SEZ6L2: variants seen among roughly 807,000 people sequenced by gnomAD.
SEZ6L2 encodes seizure 6-like protein 2.
In SEZ6L2, 44 loss-of-function variants were observed where a neutral mutation model predicts 97.0. That is an observed-to-expected ratio of 0.45 (90% confidence interval 0.36 to 0.58). SEZ6L2 has a LOEUF of 0.58. SEZ6L2 is among the 20% of genes least tolerant of loss of function. SEZ6L2 has a pLI of 0.00. For missense variants in SEZ6L2, 1,086 were observed against 1,233.3 expected (o/e 0.88, Z 1.79); for synonymous variants, 543 against 546.1 (o/e 0.99, Z 0.08).
At chr16:29,872,960 A>C (rs1207298629) in intron 14 of SEZ6L2, among the ~76,000 whole-genome samples, 1 of 152,232 alleles carries the variant, frequency 6.6e-6, no homozygotes, top group Non-Finnish European at 1.5e-5. Context: ...GTTCCTGGAC[A>C]GTCTGAGCCA....
chr16:29,880,253 T>A (rs901954779), intron 8 of SEZ6L2, among the ~76,000 whole-genome samples, 189 bp from the exon 9 acceptor site: 1 of 151,434 alleles, frequency 6.6e-6, no homozygotes, highest in Admixed American at 6.6e-5. Context: ...GCCTCTGACT[T>A]CCAGGTTCAA....
chr16:29,881,555 C>T (rs548214538), intron 8 of SEZ6L2, among the ~76,000 whole-genome samples: 1 of 150,314 alleles, frequency 6.7e-6, no homozygotes, highest in East Asian at 2.0e-4. Context: ...CCCACCTGAT[C>T]GGATCTTAGC....
In SEZ6L2 at chr16:29,876,677, G is replaced by A; in HGVS notation, c.2104+79C>T. On this transcript the variant is annotated intron_variant, in intron 12 of 17. Transcript: ENST00000617533. This position sits in a 1 kb window ranked among gnomAD's most constrained non-coding sequence, Gnocchi z 6.5. The stretch of plus-strand genomic sequence containing the variant: ...AAGGGATGGAACCCAGAAAGCACGG[G>A]GGTCGGGACAGGACAGGCCGACGAC... 3.1e-6 allele frequency: 4 copies of A among 1,308,670 alleles called. No homozygotes were observed. The highest frequency in any genetic ancestry group is 2.6e-5 in the East Asian group (1 of 38,724). 81.1% of individuals were successfully genotyped at this position (1,308,670 alleles called of 1,614,324 possible). A position where few individuals can be genotyped will look rare whatever the true frequency, so the allele number is the denominator to read the frequency against.
chr16:29,892,054 G>T (rs184293880), intron 5 of SEZ6L2, among the ~76,000 whole-genome samples: 2 of 152,286 alleles, frequency 1.3e-5, no homozygotes, highest in East Asian at 3.9e-4. Context: ...TTGAGAGATA[G>T]AACTGACAAT....
chr16:29,872,310 T>G, intron 16 of SEZ6L2, 27 bp from the exon 17 acceptor site: 3 of 1,604,258 alleles, frequency 1.9e-6, no homozygotes, highest in Non-Finnish European at 2.6e-6. Context: ...ACAGAGGAGC[T>G]TATCAACAGG....
At chr16:29,887,321 G>T (rs1404494529) in intron 7 of SEZ6L2, among the ~76,000 whole-genome samples, 2 of 145,688 alleles carry the variant, frequency 1.4e-5, no homozygotes. Context: ...TTTTTTTTGA[G>T]ACGGAGTCTC....
At chr16:29,881,822 G>A (rs1445209248) in intron 8 of SEZ6L2, among the ~76,000 whole-genome samples, 1 of 144,404 alleles carries the variant, frequency 6.9e-6, no homozygotes, top group South Asian at 2.2e-4. Context: ...TAGAGATGGG[G>A]TTTTACCATG....
intron 9 of SEZ6L2, among the ~76,000 whole-genome samples, chr16:29,879,279 G>A (rs552468538): frequency 6.6e-6 from 1 of 151,576 alleles, no homozygotes; most frequent in Admixed American, 6.6e-5. Context: ...AGGCTGGAGT[G>A]CAGTGCTGCG....
intron 8 of SEZ6L2, among the ~76,000 whole-genome samples, chr16:29,884,869 T>C (rs373198290): frequency 7.0e-6 from 1 of 142,790 alleles, no homozygotes; most frequent in East Asian, 2.1e-4. Context: ...GCCGAGATCA[T>C]GACATTGCAC....
intron 12 of SEZ6L2, among the ~76,000 whole-genome samples, chr16:29,874,573 TTTTTTTTTTTTTTTTG>T (rs1257196433): frequency 5.3e-5 from 6 of 113,246 alleles, no homozygotes; most frequent in Admixed American, 8.9e-5. Flanking sequence ...TTTTTTTTTT[TTTTTTTTTTTTTTTTG>T]AGATGGGAGT....
intron 7 of SEZ6L2, among the ~76,000 whole-genome samples, chr16:29,887,223 G>C (rs1401634895): frequency 6.7e-6 from 1 of 148,860 alleles, no homozygotes; most frequent in Non-Finnish European, 1.5e-5. Flanking sequence ...GGACTAAGCT[G>C]TGATGCATAT....
intron 5 of SEZ6L2, among the ~76,000 whole-genome samples, chr16:29,889,494 G>A (rs2068222359): frequency 6.6e-6 from 1 of 151,474 alleles, no homozygotes; most frequent in East Asian, 1.9e-4. Flanking sequence ...GAGGCTCCAA[G>A]TTATTAAATG....
At chr16:29,879,559 G>A (rs770397087) in intron 9 of SEZ6L2, among the ~76,000 whole-genome samples, 2 of 152,154 alleles carry the variant, frequency 1.3e-5, no homozygotes, top group African/African-American at 2.4e-5. Flanking sequence ...TCTAGGTCCT[G>A]TTGTGTTCAA....
Position 29,895,428 on chromosome 16 carries a change from C to A in SEZ6L2, c.684G>T (p.Glu228Asp). 2 of 1,614,128 alleles carry A rather than the reference C, an allele frequency of 1.2e-6. No homozygotes were observed. Among genetic ancestry groups the A allele is most frequent in the Non-Finnish European group, 1.7e-6 (2 of 1,180,028 alleles). Residue 228 changes from glutamate (E) to aspartate (D), a missense_variant, in exon 5 of 18, where the codon GAG (glutamate) becomes GAT (aspartate). By Grantham distance (45) the Glu-to-Asp change is conservative. Around this residue, in one of 2 missense-constraint regions of SEZ6L2, gnomAD observed 776 missense variants for 794.7 expected, o/e 0.98. Coordinates refer to ENST00000617533, the MANE Select transcript of SEZ6L2 (RefSeq NM_001243332.2). ...VQTLNLSQEE[E>D]LLVLAGGGSP... ...ATCCCCCACCAGCCAGCACCAGGAG[C>A]TCCTCTTCCTGTGACAGGTTCAGCG...
rs972210966 is a variant in SEZ6L2, at chr16:29,899,530, C to G, written c.-511G>C. ...GAGAGCCGAAGCTCGGGCACTGGAG[C>G]TGCGGGAGGGAGAAGCTGAGAAAGG... is the stretch of plus-strand genomic sequence containing the variant. On this transcript the variant is annotated 5_prime_UTR_variant, in exon 1 of 18. Coordinates refer to ENST00000617533, the MANE Select transcript of SEZ6L2 (RefSeq NM_001243332.2). 4 of 158,880 alleles carry G rather than the reference C, an allele frequency of 2.5e-5. No homozygotes were observed. Among genetic ancestry groups the G allele is most frequent in the African/African-American group, 9.7e-5 (4 of 41,326 alleles). 9.8% of individuals were successfully genotyped at this position (158,880 alleles called of 1,614,324 possible).
chr16:29,873,136 G>T lies in SEZ6L2; in HGVS notation c.2488+104C>A. Reference sequence around the variant, plus strand: ...CGAGGCCACAGGAGGAGAACCGGGAGCTCTGTGGGGTCGCCCATTGGTCTC... The same window carrying T: ...CGAGGCCACAGGAGGAGAACCGGGATCTCTGTGGGGTCGCCCATTGGTCTC... On this transcript the variant is annotated intron_variant, in intron 14 of 17. Transcript: ENST00000617533. The surrounding 1 kb of genome is among the most constrained non-coding windows in gnomAD (Gnocchi z 4.3). The T allele has an allele frequency of 7.7e-7, 1 of 1,294,616 alleles. No homozygotes were observed. The highest frequency in any genetic ancestry group is 1.1e-6 in the Non-Finnish European group (1 of 936,564). 80.2% of individuals were successfully genotyped at this position (1,294,616 alleles called of 1,614,324 possible).
At chr16:29,895,213 T>C (rs1200316465) in intron 5 of SEZ6L2, 46 bp downstream of exon 5, 2 of 1,256,156 alleles carry the variant, frequency 1.6e-6, no homozygotes, top group South Asian at 2.4e-5. Context: ...GTCCAGTGTA[T>C]GCAGTATGGC....
intron 12 of SEZ6L2, among the ~76,000 whole-genome samples, chr16:29,874,574 T>G (rs980106796): frequency 2.7e-5 from 3 of 111,300 alleles, no homozygotes; most frequent in African/African-American, 7.1e-5. Flanking sequence ...TTTTTTTTTT[T>G]TTTTTTTTTT....
chr16:29,872,818 G>A, intron 14 of SEZ6L2, 75 bp from the exon 15 acceptor site: 1 of 1,274,156 alleles, frequency 7.8e-7, no homozygotes, highest in Non-Finnish European at 1.1e-6. Flanking sequence ...CGGGAGCCCG[G>A]TGGGGCTGGG....
Sources: gnomAD v4.1 joint callset for allele counts (sites outside exome capture counted in the v4.1 genomes callset) on GRCh38, gnomAD v4.1.1 for gene constraint, gnomAD v4.1.1 regional missense constraint, Gnocchi (gnomAD v3.1) non-coding constraint, MANE v1.5 for transcripts, NCBI Gene and HGNC (gene_info 2026-07-23, HGNC 2026-07-21) for gene names.